The following TASP1 variants were observed in gnomAD, a reference collection of about 807,000 sequenced individuals.
TASP1 encodes taspase 1, also known as threonine aspartase 1.
TASP1 carries 16 observed loss-of-function variants against 56.6 expected under a neutral mutation model. That is an observed-to-expected ratio of 0.28 (90% CI 0.19 to 0.43). The LOEUF (loss-of-function observed/expected upper bound fraction) is 0.43, where lower values mean the gene tolerates loss of function less well. TASP1 is among the 20% of genes least tolerant of loss of function. The pLI, the probability that TASP1 is intolerant of heterozygous loss-of-function variation, is 1.00. For missense variants in TASP1, 393 were observed against 511.6 expected (o/e 0.77, Z 2.24); for synonymous variants, 179 against 184.2 (o/e 0.97, Z 0.23).
chr20:13,128,609 G>T, the TASP1 span, among the ~76,000 whole-genome samples: 1 of 152,166 alleles, frequency 6.6e-6, no homozygotes, highest in Non-Finnish European at 1.5e-5. Flanking sequence ...CTGAAAAGAG[G>T]TAGGGGTAAA....
chr20:13,590,187 T>G (rs1026841985), intron 4 of TASP1, among the ~76,000 whole-genome samples: 3 of 152,036 alleles, frequency 2.0e-5, no homozygotes, highest in Non-Finnish European at 4.4e-5. Flanking sequence ...AGCCAAGATC[T>G]TGCACCACTG....
intron 11 of TASP1, among the ~76,000 whole-genome samples, chr20:13,464,057 T>C (rs144680041): frequency 1.3e-5 from 2 of 152,296 alleles, no homozygotes; most frequent in East Asian, 1.9e-4. Context: ...CCCATATTAA[T>C]TGCAGCATTA....
chr20:13,299,981 T>C, the TASP1 span: 1 of 152,576 alleles, frequency 6.6e-6, no homozygotes, highest in Non-Finnish European at 1.5e-5. The surrounding 1 kb of genome is among the most constrained non-coding windows in gnomAD (Gnocchi z 5.8). Flanking sequence ...TTGGAATTTA[T>C]TTCTTTAAAA....
chr20:13,186,096 T>C, the TASP1 span, among the ~76,000 whole-genome samples: 5 of 152,136 alleles, frequency 3.3e-5, no homozygotes, highest in African/African-American at 1.2e-4. Flanking sequence ...GGAGGCTCAG[T>C]GTACACTAGC....
At position 13,543,462 on chromosome 20, in the gene TASP1, C is replaced by T. The variant is rs563883945; in HGVS notation, c.676-9321G>A. Among the ~76,000 whole-genome samples, 13 of 152,206 alleles carry T rather than the reference C, an allele frequency of 8.5e-5. No homozygotes were observed. The East Asian group carries it at 2.3e-3, about 27-fold the overall frequency. On this transcript the variant is annotated intron_variant, in intron 8 of 13. Transcript: ENST00000337743. ...AAAAATATTTTAAAAAATAGCCAGG[C>T]ACAATGGCATGCACCTGTAGCCCAG...
rs764750739 is a variant in TASP1, at chr20:13,629,922, C to A, written c.145+12G>T. On this transcript the variant is annotated intron_variant, in intron 2 of 13. Coordinates refer to ENST00000337743, the MANE Select transcript of TASP1 (RefSeq NM_017714.3). ...CATTATTGGCATCTTCCAAGCCATC[C>A]ACAAAGCTTACCTGCATGCACCAAC... The A allele has an allele frequency of 8.1e-6, 13 of 1,612,998 alleles. No individual in the cohort carries two copies. Among genetic ancestry groups the A allele is most frequent in the South Asian group, 2.2e-5 (2 of 90,780 alleles).
chr20:13,626,424 C>A (rs1413321756), intron 2 of TASP1, among the ~76,000 whole-genome samples: 1 of 152,108 alleles, frequency 6.6e-6, no homozygotes, highest in African/African-American at 2.4e-5. Context: ...GAGACTTTGA[C>A]TCCAAAAAAC....
Position 13,559,085 on chromosome 20 carries a change from T to C in TASP1, c.598A>G (p.Lys200Glu), listed in dbSNP as rs772729867. The change falls in exon 8 of 14, where the codon AAG (lysine) becomes GAG (glutamate). Residue 200 changes from lysine to glutamate, a missense_variant. Physicochemically the swap from Lys to Glu is moderately conservative, Grantham distance 56. Around this residue, in one of 3 missense-constraint regions of TASP1, gnomAD observed 293 missense variants for 354.2 expected, o/e 0.83. Coordinates refer to ENST00000337743, the MANE Select transcript of TASP1 (RefSeq NM_017714.3). Reference sequence around the variant, plus strand: ...CTTTCTGCCAGCTCTAGTTTCCTCTTGTTTCTTTTAAATGCAGCTAAACTG... The same window carrying C: ...CTTTCTGCCAGCTCTAGTTTCCTCTCGTTTCTTTTAAATGCAGCTAAACTG... ...RFSLAAFKRN[K>E]RKLELAERVD... The C allele has an allele frequency of 4.4e-6, 7 of 1,585,330 alleles. No homozygotes were observed. Among genetic ancestry groups the C allele is most frequent in the Non-Finnish European group, 6.0e-6 (7 of 1,165,148 alleles).
chr20:13,289,450 T>C, the TASP1 span, among the ~76,000 whole-genome samples: 1 of 152,218 alleles, frequency 6.6e-6, no homozygotes, highest in Non-Finnish European at 1.5e-5. Context: ...TTGTCAGTGC[T>C]TCAAAAACTA....
intron 8 of TASP1, among the ~76,000 whole-genome samples, chr20:13,538,035 T>C (rs1322052918): frequency 6.7e-6 from 1 of 148,674 alleles, no homozygotes; most frequent in Non-Finnish European, 1.5e-5. Context: ...AGAATTTCGC[T>C]CTTGTTGCCC....
chr20:13,163,501 C>T, the TASP1 span, among the ~76,000 whole-genome samples: 34 of 152,196 alleles, frequency 2.2e-4, no homozygotes, highest in East Asian at 5.2e-3. Context: ...CCCCCACCTT[C>T]AGCAAAGATT....
chr20:13,180,644 G>C, the TASP1 span, among the ~76,000 whole-genome samples: 1 of 152,164 alleles, frequency 6.6e-6, no homozygotes, highest in Non-Finnish European at 1.5e-5. Flanking sequence ...AGTAGACTAA[G>C]AGGGAAAAGT....
At chr20:13,563,121 T>C (rs2046405623) in intron 7 of TASP1, among the ~76,000 whole-genome samples, 1 of 151,174 alleles carries the variant, frequency 6.6e-6, no homozygotes, top group East Asian at 2.0e-4. Flanking sequence ...TATGCATATA[T>C]ATGTACACAC....
the TASP1 span, among the ~76,000 whole-genome samples, chr20:13,261,425 C>CAAA: frequency 9.5e-6 from 1 of 105,246 alleles, no homozygotes; most frequent in African/African-American, 3.6e-5. Flanking sequence ...AACTCTGTCT[C>CAAA]AAAAAAAAAA....
chr20:13,241,727 G>C, the TASP1 span, among the ~76,000 whole-genome samples: 4 of 152,022 alleles, frequency 2.6e-5, no homozygotes, highest in Non-Finnish European at 5.9e-5. Context: ...GTGAAGGAAG[G>C]GCAGTTGGAT....
the TASP1 span, among the ~76,000 whole-genome samples, chr20:13,306,891 T>C: frequency 6.6e-6 from 1 of 152,180 alleles, no homozygotes; most frequent in Admixed American, 6.5e-5. Context: ...CAGAATCTCC[T>C]GTCAAGAACA....
chr20:13,379,555 G>A, the TASP1 span, among the ~76,000 whole-genome samples: 26 of 151,558 alleles, frequency 1.7e-4, no homozygotes, highest in African/African-American at 4.9e-4. Context: ...CATGCGTCTC[G>A]TGGTTCCTCT....
chr20:13,211,858 G>T, the TASP1 span, among the ~76,000 whole-genome samples: 1 of 152,026 alleles, frequency 6.6e-6, no homozygotes. Flanking sequence ...ATTTTTATAT[G>T]GTCATATTTT....
the TASP1 span, among the ~76,000 whole-genome samples, chr20:13,280,089 T>C: frequency 2.6e-5 from 4 of 152,214 alleles, no homozygotes; most frequent in Non-Finnish European, 2.9e-5. Flanking sequence ...GGAAAGACTA[T>C]AATTTTAAAT....
Sources: gnomAD v4.1 joint callset for allele counts (sites outside exome capture counted in the v4.1 genomes callset) on GRCh38, gnomAD v4.1.1 for gene constraint, gnomAD v4.1.1 regional missense constraint, Gnocchi (gnomAD v3.1) non-coding constraint, MANE v1.5 for transcripts, NCBI Gene and HGNC (gene_info 2026-07-23, HGNC 2026-07-21) for gene names.